Variants in ASAP1 observed in about 807,000 individuals in gnomAD.
The protein encoded by ASAP1 is arf-GAP with SH3 domain, ANK repeat and PH domain-containing protein 1.
Under a neutral mutation model 145.2 loss-of-function variants are expected in ASAP1, and 43 were observed. The ratio of observed to expected loss-of-function variants is 0.30; its 90% CI spans 0.23 to 0.38. The LOEUF is 0.38. ASAP1 is among the 10% of genes least tolerant of loss of function. The pLI is 1.00. For synonymous variants in ASAP1, 546 were observed against 515.5 expected (o/e 1.06, Z -0.80); for missense variants, 1,018 against 1,355.3 (o/e 0.75, Z 3.91).
chr8:130,333,625 C>CA (rs551582692), intron 3 of ASAP1, among the ~76,000 whole-genome samples: 1 of 152,064 alleles, frequency 6.6e-6, no homozygotes, highest in South Asian at 2.1e-4. Flanking sequence ...CAAAACAAAA[C>CA]AAAAAACAAA....
intron 3 of ASAP1, among the ~76,000 whole-genome samples, chr8:130,287,023 G>A (rs560369534): frequency 6.6e-6 from 1 of 152,186 alleles, no homozygotes; most frequent in Non-Finnish European, 1.5e-5. Flanking sequence ...TGGCCAAGGA[G>A]GGAGACCTTG....
chr8:130,122,654 T>G (rs1480595185), intron 18 of ASAP1, among the ~76,000 whole-genome samples: 1 of 152,204 alleles, frequency 6.6e-6, no homozygotes, highest in African/African-American at 2.4e-5. Flanking sequence ...TCACATAGTT[T>G]AGGAAGTGGC....
At chr8:130,075,668 C>T (rs902346503) in intron 27 of ASAP1, among the ~76,000 whole-genome samples, 54 of 152,302 alleles carry the variant, frequency 3.5e-4, no homozygotes, top group African/African-American at 1.1e-3. Context: ...ACAAAAAAGG[C>T]ATAACTATCA....
At chr8:130,237,097 A>G in intron 3 of ASAP1, 103 bp from the exon 4 acceptor site, 1 of 798,850 alleles carries the variant, frequency 1.3e-6, no homozygotes, top group Non-Finnish European at 1.9e-6. Flanking sequence ...TGAGTACCAA[A>G]GCAACAGCAA....
intron 13 of ASAP1, among the ~76,000 whole-genome samples, chr8:130,150,132 T>C (rs2097642638): frequency 1.3e-5 from 2 of 152,238 alleles, no homozygotes; most frequent in South Asian, 2.1e-4. Context: ...ATGTGTTAAA[T>C]ACTTTTCTCA....
chr8:130,290,029 G>A (rs562335765), intron 3 of ASAP1, among the ~76,000 whole-genome samples: 19 of 152,024 alleles, frequency 1.2e-4, no homozygotes, highest in Non-Finnish European at 1.9e-4. Flanking sequence ...TTATCTAAGC[G>A]CTCTTCCTGG....
chr8:130,304,265 T>C (rs1822854280), intron 3 of ASAP1, among the ~76,000 whole-genome samples: 1 of 151,944 alleles, frequency 6.6e-6, no homozygotes, highest in Non-Finnish European at 1.5e-5. Context: ...TTTTTTATAC[T>C]GCCCGGAAAA....
At chr8:130,211,815 A>T (rs182323751) in intron 5 of ASAP1, among the ~76,000 whole-genome samples, 5 of 152,354 alleles carry the variant, frequency 3.3e-5, no homozygotes, top group Admixed American at 6.5e-5. Flanking sequence ...AAGTCTATAA[A>T]GTACCAAAGC....
Position 130,358,848 on chromosome 8 carries a change from C to T in ASAP1, c.60-705G>A, listed in dbSNP as rs1304305474. 6.6e-6 allele frequency among the ~76,000 whole-genome samples: 1 copy of T among 151,802 alleles called. No homozygotes were observed. Among genetic ancestry groups the T allele is most frequent in the Non-Finnish European group, 1.5e-5 (1 of 67,914 alleles). ...GCACGGGGGCTCCGGAAGCCCGAGT[C>T]CCTGGTTCGCCCCCGGAGCGGTTAC... On this transcript the variant is annotated intron_variant, in intron 2 of 29. Transcript: ENST00000518721. The surrounding 1 kb of genome is among the most constrained non-coding windows in gnomAD (Gnocchi z 4.1).
In ASAP1 at chr8:130,214,555, C is replaced by T; in HGVS notation, c.405+1G>A. On this transcript the variant is annotated splice_donor_variant, in intron 5 of 29. Coordinates refer to ENST00000518721, the MANE Select transcript of ASAP1 (RefSeq NM_018482.4). LOFTEE classifies it high-confidence loss of function. ...TTTTACTCACATATGAAATGTCTTACCAGATTTTTCAGCAGTGTGGACAGT... is the reference window on the plus strand; with the variant it reads ...TTTTACTCACATATGAAATGTCTTATCAGATTTTTCAGCAGTGTGGACAGT... The T allele has an allele frequency of 6.3e-7, 1 of 1,594,508 alleles. No individual in the cohort carries two copies. Among genetic ancestry groups the T allele is most frequent in the Non-Finnish European group, 8.5e-7 (1 of 1,173,216 alleles).
chr8:130,262,047 A>AT (rs1819930087), intron 3 of ASAP1, among the ~76,000 whole-genome samples: 1 of 152,122 alleles, frequency 6.6e-6, no homozygotes, highest in Non-Finnish European at 1.5e-5. Context: ...AACAACCAGC[A>AT]TATGAGGGAA....
intron 11 of ASAP1, among the ~76,000 whole-genome samples, chr8:130,161,190 A>AG (rs2097668442): frequency 6.6e-6 from 1 of 152,194 alleles, no homozygotes; most frequent in Non-Finnish European, 1.5e-5. Flanking sequence ...AAATTGTAGC[A>AG]GGACTTTTTT....
chr8:130,285,306 AAC>A (rs1821537640), intron 3 of ASAP1, among the ~76,000 whole-genome samples: 3 of 152,198 alleles, frequency 2.0e-5, no homozygotes, highest in Admixed American at 6.5e-5. Context: ...AGGAGTTGTA[AAC>A]CACCAAGTTG....
At chr8:130,429,070 T>C (rs1830049894) in intron 1 of ASAP1, among the ~76,000 whole-genome samples, 1 of 152,210 alleles carries the variant, frequency 6.6e-6, no homozygotes, top group Non-Finnish European at 1.5e-5. Flanking sequence ...AGGGGTGTCT[T>C]CTCCCTGTGT....
chr8:130,196,342 C>CA (rs11421234), intron 5 of ASAP1, among the ~76,000 whole-genome samples: 34,452 of 131,004 alleles, frequency 0.26, 4,696 homozygotes, highest in East Asian at 0.49. Flanking sequence ...AACTCCATCT[C>CA]AAAAAAAAAA....
At chr8:130,231,586 C>CT (rs1357478577) in intron 4 of ASAP1, among the ~76,000 whole-genome samples, 2 of 152,078 alleles carry the variant, frequency 1.3e-5, no homozygotes, top group Non-Finnish European at 2.9e-5. Context: ...AAAGCCAACA[C>CT]TTTAACACAG....
At chr8:130,134,109 T>C (rs1362720653) in intron 15 of ASAP1, among the ~76,000 whole-genome samples, 187 bp downstream of exon 15, 1 of 152,050 alleles carries the variant, frequency 6.6e-6, no homozygotes, top group Non-Finnish European at 1.5e-5. Context: ...CCAGAGCTTA[T>C]TGAGTAGACA....
At chr8:130,382,621 C>A (rs1340913329) in intron 2 of ASAP1, among the ~76,000 whole-genome samples, 1 of 152,116 alleles carries the variant, frequency 6.6e-6, no homozygotes, top group African/African-American at 2.4e-5. Context: ...CTGAGGTGGG[C>A]GGATCACTTG....
At chr8:130,278,109 T>A (rs1213995476) in intron 3 of ASAP1, among the ~76,000 whole-genome samples, 2 of 151,656 alleles carry the variant, frequency 1.3e-5, no homozygotes. Flanking sequence ...ATAAAAGTTA[T>A]GTAAATTAGT....
Sources: gnomAD v4.1 joint callset for allele counts (sites outside exome capture counted in the v4.1 genomes callset) on GRCh38, gnomAD v4.1.1 for gene constraint, Gnocchi (gnomAD v3.1) non-coding constraint, MANE v1.5 for transcripts, NCBI Gene and HGNC (gene_info 2026-07-23, HGNC 2026-07-21) for gene names.